R3HDM1: variants seen among roughly 807,000 people sequenced by gnomAD.
The protein encoded by R3HDM1 is R3H domain containing 1.
A neutral mutation model predicts 141.1 loss-of-function variants in R3HDM1; 46 were observed. That is an observed-to-expected ratio of 0.33 (90% CI 0.26 to 0.42). The LOEUF (loss-of-function observed/expected upper bound fraction) is 0.42, where lower values mean the gene tolerates loss of function less well. R3HDM1 is among the 10% of genes least tolerant of loss of function. R3HDM1 has a pLI of 1.00. For synonymous variants in R3HDM1, 435 were observed against 472.9 expected (o/e 0.92, Z 1.04); for missense variants, 1,184 against 1,368.3 (o/e 0.87, Z 2.12).
chr2:135,531,507 T>C lies in R3HDM1; in HGVS notation c.-376T>C. The C allele has an allele frequency of 1.0e-6, 1 of 985,818 alleles. No individual in the cohort carries two copies. The highest frequency in any genetic ancestry group is 1.2e-6 in the Non-Finnish European group (1 of 829,980). The allele number at this position is 985,818 out of a possible 1,614,324, so 61.1% of individuals were successfully genotyped here. The stretch of plus-strand genomic sequence containing the variant: ...GGATTCTGCCAGCCGCGGCTGCCGC[T>C]GGAGCCGGTGTCCGGGCTGGTGATG... On this transcript the variant is annotated 5_prime_UTR_variant, in exon 1 of 27. Coordinates refer to ENST00000683871, the MANE Select transcript of R3HDM1 (RefSeq NM_001378107.1).
intron 21 of R3HDM1, among the ~76,000 whole-genome samples, chr2:135,681,948 A>C (rs1365927764): frequency 6.6e-6 from 1 of 151,704 alleles, no homozygotes; most frequent in Admixed American, 6.6e-5. Context: ...ACTGCTACAA[A>C]ATGAAAATAG....
intron 24 of R3HDM1, among the ~76,000 whole-genome samples, chr2:135,718,196 GA>G (rs2076354474): frequency 6.6e-6 from 1 of 152,202 alleles, no homozygotes; most frequent in African/African-American, 2.4e-5. Context: ...AACTGACTGG[GA>G]AGGGACTGGA....
intron 1 of R3HDM1, among the ~76,000 whole-genome samples, chr2:135,592,374 A>G (rs1709477894): frequency 6.6e-6 from 1 of 152,170 alleles, no homozygotes. Context: ...CTATGTGGGA[A>G]GTAATTTACT....
intron 21 of R3HDM1, among the ~76,000 whole-genome samples, chr2:135,696,816 A>G (rs1298998662): frequency 6.6e-6 from 1 of 152,180 alleles, no homozygotes. Flanking sequence ...TTAAACAAAG[A>G]CTAGTTTTGG....
intron 1 of R3HDM1, among the ~76,000 whole-genome samples, chr2:135,586,035 C>T (rs1054867535): frequency 1.3e-5 from 2 of 151,978 alleles, no homozygotes; most frequent in African/African-American, 4.8e-5. Context: ...ATTAACCATA[C>T]CTAAATTATT....
intron 3 of R3HDM1, chr2:135,608,131 T>G: frequency 4.6e-6 from 1 of 217,008 alleles, no homozygotes; most frequent in Non-Finnish European, 7.8e-6. Flanking sequence ...CTGACCAACA[T>G]GGTGAAACCC....
chr2:135,675,004 C>G (rs1333162054), intron 19 of R3HDM1, among the ~76,000 whole-genome samples: 1 of 151,522 alleles, frequency 6.6e-6, no homozygotes, highest in Non-Finnish European at 1.5e-5. Flanking sequence ...TGTTATGTAG[C>G]AACTCCTGGT....
chr2:135,607,670 G>T (rs57827559), intron 3 of R3HDM1, among the ~76,000 whole-genome samples: 1 of 152,074 alleles, frequency 6.6e-6, no homozygotes, highest in South Asian at 2.1e-4. Context: ...TCTTTTCCTA[G>T]ATCATGCTTA....
At chr2:135,640,135 T>C (rs1299670476) in intron 14 of R3HDM1, among the ~76,000 whole-genome samples, 1 of 151,692 alleles carries the variant, frequency 6.6e-6, no homozygotes, top group East Asian at 1.9e-4. Flanking sequence ...TGACTGTTTC[T>C]CCCTAACCTA....
chr2:135,606,128 C>G (rs1251573401), intron 3 of R3HDM1: 1 of 152,260 alleles, frequency 6.6e-6, no homozygotes, highest in African/African-American at 2.4e-5. Context: ...TGGAGCATCC[C>G]GGATTGCTTC....
chr2:135,707,000 C>CG (rs1224222594), intron 21 of R3HDM1, among the ~76,000 whole-genome samples: 2 of 151,916 alleles, frequency 1.3e-5, no homozygotes, highest in African/African-American at 2.4e-5. Flanking sequence ...GCTGGCCGGG[C>CG]GGGGGGCTGA....
At chr2:135,591,779 C>G (rs1709330682) in intron 1 of R3HDM1, among the ~76,000 whole-genome samples, 1 of 152,140 alleles carries the variant, frequency 6.6e-6, no homozygotes, top group Non-Finnish European at 1.5e-5. Context: ...TAGAATAACT[C>G]AAATTACACT....
At position 135,539,699 on chromosome 2, in the gene R3HDM1, A is replaced by G. The variant is rs550515141; in HGVS notation, c.-250+8066A>G. ...AGAGTTTTATACAATTCTGTAGTCT[A>G]TTTAAAGTGTGAAGAGCATTATGTC... On this transcript the variant is annotated intron_variant, in intron 1 of 26. Transcript: ENST00000683871. Among the ~76,000 whole-genome samples the G allele has an allele frequency of 2.6e-4, 39 of 150,956 alleles. No homozygotes were observed. The South Asian group carries it at 5.8e-3, about 22-fold the overall frequency.
At position 135,715,619 on chromosome 2, in the gene R3HDM1, C is replaced by T. The variant is rs1449015532; in HGVS notation, c.2806C>T (p.Leu936=). The change falls in exon 24 of 27, where the codon CTG becomes TTG. Residue 936 remains leucine, a synonymous_variant. Coordinates refer to ENST00000683871, the MANE Select transcript of R3HDM1 (RefSeq NM_001378107.1). ...QSPAPAQLST[L]KTVRPSGPPL... ...GCCAGCACCAGCTCAGCTGTCCACC[C>T]TGAAAACTGTACGTCCCTCTGGACC... 1.2e-6 allele frequency: 2 copies of T among 1,614,126 alleles called. No homozygotes were observed. Among genetic ancestry groups the T allele is most frequent in the Non-Finnish European group, 1.7e-6 (2 of 1,179,974 alleles).
chr2:135,678,818 T>G (rs1374582582), intron 20 of R3HDM1, among the ~76,000 whole-genome samples: 1 of 138,994 alleles, frequency 7.2e-6, no homozygotes, highest in African/African-American at 2.7e-5. Flanking sequence ...TAGAGTGCAG[T>G]GGCTCATTCT....
intron 9 of R3HDM1, among the ~76,000 whole-genome samples, chr2:135,634,880 A>G (rs1685523599): frequency 6.6e-6 from 1 of 152,198 alleles, no homozygotes; most frequent in Non-Finnish European, 1.5e-5. Flanking sequence ...TAATAGAATG[A>G]TAGTCACAGG....
chr2:135,611,650 T>C (rs958749341), intron 3 of R3HDM1, among the ~76,000 whole-genome samples: 14 of 152,224 alleles, frequency 9.2e-5, no homozygotes, highest in Admixed American at 5.2e-4. Flanking sequence ...CTGTATGCTG[T>C]ATTTTTATTG....
In R3HDM1 at chr2:135,667,651, G is replaced by A. The variant is rs558032106; in HGVS notation, c.2152+6258G>A. ...TTTATGTGGTAGCCAAGTTGGAGTC[G>A]GGATACTGGAAATACTCTTCTTGTA... On this transcript the variant is annotated intron_variant, in intron 19 of 26. Transcript: ENST00000683871. 2.9e-4 allele frequency: 288 copies of A among 976,744 alleles called. 6 individuals carry two copies. In the South Asian group the frequency reaches 0.012, roughly 41 times the overall value. The allele number at this position is 976,744 out of a possible 1,614,324, so 60.5% of individuals were successfully genotyped here.
At chr2:135,702,999 G>A (rs909734391) in intron 21 of R3HDM1, among the ~76,000 whole-genome samples, 2 of 152,102 alleles carry the variant, frequency 1.3e-5, no homozygotes, top group Non-Finnish European at 2.9e-5. Flanking sequence ...CTTGATGATG[G>A]CTGGTTCATC....
Sources: gnomAD v4.1 joint callset for allele counts (sites outside exome capture counted in the v4.1 genomes callset) on GRCh38, gnomAD v4.1.1 for gene constraint, MANE v1.5 for transcripts, NCBI Gene and HGNC (gene_info 2026-07-23, HGNC 2026-07-21) for gene names.